The following GFPT1 variants were observed in gnomAD, a reference collection of about 807,000 sequenced individuals.
GFPT1 encodes the protein glutamine--fructose-6-phosphate aminotransferase [isomerizing] 1.
In GFPT1, 40 loss-of-function variants were observed where a neutral mutation model predicts 92.0. The observed-to-expected ratio is 0.43, with a 90% CI of 0.34 to 0.57. The LOEUF (loss-of-function observed/expected upper bound fraction) is 0.57, where lower values mean the gene tolerates loss of function less well. Among genes scored for constraint, GFPT1 ranks in the 20% least tolerant of loss-of-function variants. GFPT1 has a pLI of 0.02. For synonymous variants in GFPT1, 269 were observed against 280.6 expected, an observed-to-expected ratio of 0.96 and a Z score of 0.41; for missense variants, 448 against 869.1, an observed-to-expected ratio of 0.52 and a Z score of 6.09.
chr2:69,353,895 C>T (rs1193603171), intron 9 of GFPT1, among the ~76,000 whole-genome samples: 1 of 152,086 alleles, frequency 6.6e-6, no homozygotes, highest in Non-Finnish European at 1.5e-5. Flanking sequence ...TAAAAGTTAG[C>T]CTAAATGATT....
intron 19 of GFPT1, 91 bp from the exon 20 acceptor site, chr2:69,326,324 T>C (rs1010226489): frequency 8.9e-6 from 7 of 788,616 alleles, no homozygotes; most frequent in Middle Eastern, 5.4e-4. Flanking sequence ...TTTTTGTTTA[T>C]AAAAACAGAA....
chr2:69,345,449 TC>T (rs2104630287), intron 12 of GFPT1, among the ~76,000 whole-genome samples: 2 of 152,294 alleles, frequency 1.3e-5, no homozygotes, highest in East Asian at 3.9e-4. Context: ...CAGGTCTTAT[TC>T]TTCTTAGAAT....
chr2:69,326,866 T>C (rs371948480), intron 19 of GFPT1, 48 bp downstream of exon 19: 2 of 1,560,548 alleles, frequency 1.3e-6, no homozygotes, highest in Non-Finnish European at 1.8e-6. Flanking sequence ...TCAGAATGTA[T>C]CCAGGTAAAA....
chr2:69,377,207 CAA>C (rs59023245), intron 1 of GFPT1, among the ~76,000 whole-genome samples: 10 of 84,380 alleles, frequency 1.2e-4, no homozygotes, highest in East Asian at 3.7e-4. Flanking sequence ...GACTCCGTCT[CAA>C]AAAAAAAAAA....
Position 69,352,637 on chromosome 2 carries a change from A to C in GFPT1, c.739+1622T>G, listed in dbSNP as rs1026472667. 2.0e-5 allele frequency among the ~76,000 whole-genome samples: 3 copies of C among 150,852 alleles called. No homozygotes were observed. In the South Asian group the frequency reaches 6.3e-4, roughly 32 times the overall value. On this transcript the variant is annotated intron_variant, in intron 9 of 19. Transcript: ENST00000357308. Reference sequence around the variant, plus strand: ...CAAAAAAAAAAAAAAAAAAAAAAAAACAACTACTTTTGCTTATAAAATGTC... The same window carrying C: ...CAAAAAAAAAAAAAAAAAAAAAAAACCAACTACTTTTGCTTATAAAATGTC...
chr2:69,376,805 C>T (rs1176328615), intron 1 of GFPT1, among the ~76,000 whole-genome samples: 1 of 151,876 alleles, frequency 6.6e-6, no homozygotes, highest in Admixed American at 6.6e-5. Context: ...AAATGTAAGC[C>T]GGATGGTAAA....
At position 69,326,136 on chromosome 2, in the gene GFPT1, G is replaced by C; in HGVS notation, c.*53C>G. ...TTAAATCAAGGTTTTAAATACAAAA[G>C]GTGTCTTGTGTTGCTTAATCATACA... On this transcript the variant is annotated 3_prime_UTR_variant, in exon 20 of 20. Transcript: ENST00000357308. 1 of 1,144,644 alleles carries C rather than the reference G, an allele frequency of 8.7e-7. No individual in the cohort carries two copies. The highest frequency in any genetic ancestry group is 1.3e-5 in the South Asian group (1 of 77,116). 70.9% of individuals were successfully genotyped at this position (1,144,644 alleles called of 1,614,324 possible).
chr2:69,327,100 CACA>C (rs1487624905), intron 18 of GFPT1, 25 bp from the exon 19 acceptor site: 1 of 1,611,034 alleles, frequency 6.2e-7, no homozygotes, highest in South Asian at 1.1e-5. Flanking sequence ...CACACACATA[CACA>C]ACATCACTGG....
At chr2:69,330,535 A>G (rs1276678239) in intron 15 of GFPT1, among the ~76,000 whole-genome samples, 2 of 147,232 alleles carry the variant, frequency 1.4e-5, no homozygotes, top group Non-Finnish European at 3.0e-5. Flanking sequence ...ACCTTTGCCT[A>G]TTGCCTGTTC....
chr2:69,367,959 T>G (rs957383357), intron 3 of GFPT1, among the ~76,000 whole-genome samples: 5 of 152,208 alleles, frequency 3.3e-5, no homozygotes, highest in Admixed American at 1.3e-4. Context: ...TAAGATTAGC[T>G]AGGGGTTGGC....
At chr2:69,352,977 C>A (rs1009695145) in intron 9 of GFPT1, among the ~76,000 whole-genome samples, 1 of 152,060 alleles carries the variant, frequency 6.6e-6, no homozygotes, top group Non-Finnish European at 1.5e-5. Context: ...ACCCGGGAGG[C>A]AGAGGTTGCA....
intron 3 of GFPT1, 132 bp downstream of exon 3, chr2:69,369,869 C>G (rs1172648902): frequency 1.4e-6 from 1 of 707,682 alleles, no homozygotes. Flanking sequence ...TTCTTTCCTC[C>G]CTTCAATGTT....
chr2:69,365,466 C>T (rs6724874), intron 3 of GFPT1, among the ~76,000 whole-genome samples: 99,048 of 152,164 alleles, frequency 0.65, 33,428 homozygotes, highest in African/African-American at 0.84. Context: ...AGCAAGACTC[C>T]GTCTCAAAAA....
At chr2:69,345,758 C>T in intron 12 of GFPT1, 146 bp downstream of exon 12, 1 of 625,216 alleles carries the variant, frequency 1.6e-6, no homozygotes, top group Non-Finnish European at 2.9e-6. Flanking sequence ...CACTAAAGAA[C>T]TTTTTCCAAG....
intron 15 of GFPT1, 103 bp downstream of exon 15, chr2:69,337,795 C>T (rs966298980): frequency 3.2e-6 from 3 of 933,904 alleles, no homozygotes; most frequent in African/African-American, 1.6e-5. Flanking sequence ...TGTGTGAGTT[C>T]TATAACTGCT....
At chr2:69,347,772 C>T (rs915282464) in intron 11 of GFPT1, among the ~76,000 whole-genome samples, 3 of 152,028 alleles carry the variant, frequency 2.0e-5, no homozygotes, top group African/African-American at 4.8e-5. Flanking sequence ...TGTGAGCCAC[C>T]GCACCCAGCC....
intron 12 of GFPT1, among the ~76,000 whole-genome samples, chr2:69,343,802 G>T (rs1020757016): frequency 1.3e-5 from 2 of 152,158 alleles, no homozygotes; most frequent in Middle Eastern, 3.4e-3. Flanking sequence ...TATGTTCTCC[G>T]TTTTGAATTT....
chr2:69,356,894 C>T (rs918617177), intron 6 of GFPT1, among the ~76,000 whole-genome samples: 1 of 151,902 alleles, frequency 6.6e-6, no homozygotes, highest in South Asian at 2.1e-4. Flanking sequence ...CGCACCCCCA[C>T]GCTAATTTTT....
At chr2:69,365,583 A>G (rs1030349825) in intron 3 of GFPT1, among the ~76,000 whole-genome samples, 1 of 152,250 alleles carries the variant, frequency 6.6e-6, no homozygotes, top group Non-Finnish European at 1.5e-5. Flanking sequence ...CTACAAAAAC[A>G]GCAGCCTACC....
Sources: gnomAD v4.1 joint callset for allele counts (sites outside exome capture counted in the v4.1 genomes callset) on GRCh38, gnomAD v4.1.1 for gene constraint, MANE v1.5 for transcripts, NCBI Gene and HGNC (gene_info 2026-07-23, HGNC 2026-07-21) for gene names.